Variants in PLXNA2 observed in about 807,000 individuals in gnomAD.
PLXNA2 encodes the protein plexin A2, also known as plexin-A2.
PLXNA2 carries 91 observed loss-of-function variants against 193.5 expected under a neutral mutation model. The ratio of observed to expected loss-of-function variants is 0.47; its 90% CI spans 0.40 to 0.56. The LOEUF (loss-of-function observed/expected upper bound fraction) is 0.56. Among genes scored for constraint, PLXNA2 ranks in the 20% least tolerant of loss-of-function variants. The probability of loss-of-function intolerance (pLI) is 0.00; values close to 1 mark genes in which losing one functional copy is unlikely to be tolerated. For missense variants in PLXNA2, 1,995 were observed against 2,503.2 expected (o/e 0.80, Z 4.33); for synonymous variants, 997 against 1,027.3 (o/e 0.97, Z 0.56).
chr1:208,214,906 A>C (rs1671076127), intron 2 of PLXNA2, among the ~76,000 whole-genome samples: 1 of 152,028 alleles, frequency 6.6e-6, no homozygotes, highest in African/African-American at 2.4e-5. Context: ...CAGAACCTCA[A>C]ACTCTGAGCC....
chr1:208,091,951 A>G lies in PLXNA2; in HGVS notation c.2097+835T>C, dbSNP rs977528875. Among the ~76,000 whole-genome samples, 9 of 152,108 alleles carry G rather than the reference A, an allele frequency of 5.9e-5. 1 individual carries two copies. The highest frequency in any genetic ancestry group is 5.9e-4 in the Admixed American group (9 of 15,262). ...CATTTTTGGATTTTCTAAAATATAGAGTAAGAAATATGTGTATATGCACAC... is the reference window on the plus strand; with the variant it reads ...CATTTTTGGATTTTCTAAAATATAGGGTAAGAAATATGTGTATATGCACAC... On this transcript the variant is annotated intron_variant, in intron 9 of 31. Coordinates refer to ENST00000367033, the MANE Select transcript of PLXNA2 (RefSeq NM_025179.4).
rs191892868 is a variant in PLXNA2 at position 208,027,784 on chromosome 1, T to C, written c.5589+225A>G. ...ATACTTTGAACTGAAAAACAAATGA[T>C]TAAAAGTGTTATTTATTGTGTTAAC... On this transcript the variant is annotated intron_variant, in intron 31 of 31. Transcript: ENST00000367033. 2.8e-3 allele frequency among the ~76,000 whole-genome samples: 431 copies of C among 152,336 alleles called. 17 individuals carry two copies. In the East Asian group the frequency reaches 0.07, roughly 25 times the overall value.
chr1:208,122,307 T>C (rs1667830928), intron 4 of PLXNA2, among the ~76,000 whole-genome samples: 1 of 152,220 alleles, frequency 6.6e-6, no homozygotes, highest in African/African-American at 2.4e-5. Context: ...TATTTAAGGT[T>C]CTATCATGCT....
In PLXNA2 at chr1:208,026,653, T is replaced by TCTC. The variant is rs58631044; in HGVS notation, c.*589_*590insGAG. The TCTC allele has an allele frequency of 1.0e-3, 95 of 91,440 alleles. No homozygotes were observed. The highest frequency in any genetic ancestry group is 1.3e-3 in the Non-Finnish European group (67 of 50,982). The allele number at this position is 91,440 out of a possible 1,614,324, so 5.7% of individuals were successfully genotyped here. A position where few individuals can be genotyped will look rare whatever the true frequency, so the allele number is the denominator to read the frequency against. On this transcript the variant is annotated 3_prime_UTR_variant, in exon 32 of 32. Coordinates refer to ENST00000367033, the MANE Select transcript of PLXNA2 (RefSeq NM_025179.4). The stretch of plus-strand genomic sequence containing the variant: ...CATCATTCTTCTTCTCCTCTTTCTC[T>TCTC]TTTTTTTTTTTTTTTTAATTTCAAG...
rs372170108 is a variant in PLXNA2, at chr1:208,043,144, T to C, written c.3934A>G (p.Ile1312Val). 1.9e-6 allele frequency: 3 copies of C among 1,614,058 alleles called. No individual in the cohort carries two copies. Among genetic ancestry groups the C allele is most frequent in the African/African-American group, 1.3e-5 (1 of 74,942 alleles). Residue 1312 changes from isoleucine to valine, a missense_variant, in exon 21 of 32, where the codon ATC (isoleucine) becomes GTC (valine). By Grantham distance (29) the Ile-to-Val change is conservative. Coordinates refer to ENST00000367033, the MANE Select transcript of PLXNA2 (RefSeq NM_025179.4). ...ELTSDLDRSG[I>V]PYLDYRTYAM... The stretch of plus-strand genomic sequence containing the variant: ...TAGGTACGATAGTCCAGGTAAGGGA[T>C]TCCTGAGCGGTCCAGGTCACTGGTC...
rs150738287 is a variant in PLXNA2, at chr1:208,060,718, C to T, written c.2706G>A (p.Thr902=). 4.0e-4 allele frequency: 640 copies of T among 1,613,830 alleles called. 7 individuals are homozygous for T. In the East Asian group the frequency reaches 8.2e-3, roughly 21 times the overall value. The change falls in exon 13 of 32, where the codon ACG becomes ACA. Residue 902 remains threonine, a synonymous_variant. Transcript: ENST00000367033. ...HHVQVAGVPC[T]PLPGEYIIAE... is the part of the protein sequence containing the mutation. ...CGATGATGTATTCCCCTGGGAGGGG[C>T]GTGCAGGGCACCCCAGCCACCTGCA...
chr1:208,118,483 C>T (rs1170527764), intron 4 of PLXNA2, among the ~76,000 whole-genome samples: 1 of 152,234 alleles, frequency 6.6e-6, no homozygotes, highest in African/African-American at 2.4e-5. Flanking sequence ...CAGGAACTGG[C>T]TCCAGGTTAG....
intron 26 of PLXNA2, among the ~76,000 whole-genome samples, chr1:208,035,354 C>A (rs1664638416): frequency 6.6e-6 from 1 of 152,120 alleles, no homozygotes; most frequent in South Asian, 2.1e-4. Flanking sequence ...GCCCATTTTC[C>A]CTTTTGGCTC....
intron 4 of PLXNA2, among the ~76,000 whole-genome samples, chr1:208,134,976 C>T (rs1409816045): frequency 6.6e-6 from 1 of 152,136 alleles, no homozygotes; most frequent in Non-Finnish European, 1.5e-5. Context: ...GAAAAGGATT[C>T]TTATTTTTGG....
Position 208,194,460 on chromosome 1 carries a change from CAAAAAAAA to C in PLXNA2, c.1371+15812_1371+15819del, listed in dbSNP as rs10522096. On this transcript the variant is annotated intron_variant, in intron 3 of 31. Transcript: ENST00000367033. ...CAATAAATAATTTAGCAGCTTACTG[CAAAAAAAA>C]AAAAAAAAAAAAGAAAGAAAAAAAA... Among the ~76,000 whole-genome samples the C allele has an allele frequency of 4.3e-5, 4 of 93,986 alleles. 1 individual carries two copies. The highest frequency in any genetic ancestry group is 4.4e-5 in the Non-Finnish European group (2 of 45,270). 61.7% of individuals were successfully genotyped at this position (93,986 alleles called of 152,430 possible). A position where few individuals can be genotyped will look rare whatever the true frequency, so the allele number is the denominator to read the frequency against.
chr1:208,037,808 C>A (rs1415515515), intron 26 of PLXNA2, among the ~76,000 whole-genome samples: 1 of 151,818 alleles, frequency 6.6e-6, no homozygotes, highest in Non-Finnish European at 1.5e-5. Context: ...TGAATCTATT[C>A]TATACAACTG....
At chr1:208,185,927 G>C (rs1669984326) in intron 3 of PLXNA2, among the ~76,000 whole-genome samples, 1 of 152,046 alleles carries the variant, frequency 6.6e-6, no homozygotes, top group Non-Finnish European at 1.5e-5. Context: ...GATAGAGGTG[G>C]TGTCTATCAA....
chr1:208,173,964 A>AC (rs1168837074), intron 3 of PLXNA2, among the ~76,000 whole-genome samples: 1 of 152,098 alleles, frequency 6.6e-6, no homozygotes, highest in Non-Finnish European at 1.5e-5. Flanking sequence ...GCATGTGCGC[A>AC]CCCCCACTCA....
At chr1:208,134,630 A>T (rs1385801661) in intron 4 of PLXNA2, among the ~76,000 whole-genome samples, 3 of 152,000 alleles carry the variant, frequency 2.0e-5, no homozygotes, top group Non-Finnish European at 4.4e-5. Context: ...CTGCCCCCTC[A>T]CATTCCCTCC....
chr1:208,201,300 C>T (rs1330371321), intron 3 of PLXNA2, among the ~76,000 whole-genome samples: 1 of 152,202 alleles, frequency 6.6e-6, no homozygotes, highest in African/African-American at 2.4e-5. Context: ...TTAGTTAATT[C>T]TGCGAAGCTA....
chr1:208,161,308 C>T (rs1669098673), intron 3 of PLXNA2, among the ~76,000 whole-genome samples: 2 of 152,280 alleles, frequency 1.3e-5, no homozygotes, highest in South Asian at 4.1e-4. Context: ...CCCTTCTCAC[C>T]TCTCCCCTCA....
intron 17 of PLXNA2, among the ~76,000 whole-genome samples, chr1:208,048,621 T>C (rs1665155191): frequency 6.6e-6 from 1 of 152,120 alleles, no homozygotes; most frequent in African/African-American, 2.4e-5. Context: ...AAATGAGTCC[T>C]GGTGAGGGAG....
intron 28 of PLXNA2, among the ~76,000 whole-genome samples, chr1:208,032,480 C>T (rs1032458484): frequency 3.5e-4 from 53 of 152,112 alleles, no homozygotes; most frequent in African/African-American, 1.1e-3. Context: ...CATGGGGTCT[C>T]GTGGAATATT....
intron 13 of PLXNA2, among the ~76,000 whole-genome samples, chr1:208,059,359 T>C (rs1218125130): frequency 6.6e-6 from 1 of 152,250 alleles, no homozygotes; most frequent in African/African-American, 2.4e-5. Context: ...AAGGCTGTCA[T>C]TGAAGGATCA....
Sources: allele counts gnomAD v4.1 joint callset (sites outside exome capture counted in the v4.1 genomes callset), GRCh38; gene constraint gnomAD v4.1.1; transcripts MANE v1.5; gene names NCBI Gene and HGNC (gene_info 2026-07-23, HGNC 2026-07-21).